Variants in ADGRL4 observed in about 807,000 individuals in gnomAD.
ADGRL4 encodes adhesion G protein-coupled receptor L4, also known as EGF, latrophilin and seven transmembrane domain containing 1.
In ADGRL4, 90 loss-of-function variants were observed where a neutral mutation model predicts 74.8. The ratio of observed to expected loss-of-function variants is 1.20; its 90% CI spans 1.02 to 1.43. The LOEUF is 1.43. ADGRL4 is among the 40% of genes most tolerant of loss of function. The probability of loss-of-function intolerance (pLI) is 0.00; values close to 1 mark genes in which losing one functional copy is unlikely to be tolerated. For missense variants in ADGRL4, 881 were observed against 814.3 expected, an observed-to-expected ratio of 1.08 and a Z score of -1.00; for synonymous variants, 311 against 279.2, an observed-to-expected ratio of 1.11 and a Z score of -1.14.
intron 2 of ADGRL4, among the ~76,000 whole-genome samples, chr1:78,950,344 T>C (rs1649697756): frequency 6.6e-6 from 1 of 152,074 alleles, no homozygotes; most frequent in African/African-American, 2.4e-5. Context: ...GGTAACGGCT[T>C]CAGGGCAAGA....
chr1:78,933,762 C>A (rs934189906), intron 7 of ADGRL4, among the ~76,000 whole-genome samples: 1 of 128,582 alleles, frequency 7.8e-6, no homozygotes, highest in Non-Finnish European at 1.7e-5. Context: ...GTGCAAAAAT[C>A]ACAAGCATTC....
Position 79,006,620 on chromosome 1 carries a change from G to C in ADGRL4, c.22+13C>G. ...TCCGACGACCTCGGCGACCAGGGGC[G>C]CTGAGCACTCACCTAGGAGCGGGAG... On this transcript the variant is annotated intron_variant, in intron 1 of 14. Coordinates refer to ENST00000370742, the MANE Select transcript of ADGRL4 (RefSeq NM_022159.4). The C allele has an allele frequency of 1.3e-6, 2 of 1,534,820 alleles. No homozygotes were observed. Among genetic ancestry groups the C allele is most frequent in the Non-Finnish European group, 1.8e-6 (2 of 1,141,262 alleles).
intron 2 of ADGRL4, among the ~76,000 whole-genome samples, chr1:79,002,947 G>C (rs1319242417): frequency 4.6e-5 from 7 of 152,054 alleles, no homozygotes; most frequent in Non-Finnish European, 1.0e-4. Context: ...TATGTTTAGT[G>C]AGGTTGGGTT....
intron 2 of ADGRL4, among the ~76,000 whole-genome samples, chr1:78,963,472 C>T (rs1649994912): frequency 6.6e-6 from 1 of 152,088 alleles, no homozygotes; most frequent in Admixed American, 6.6e-5. Flanking sequence ...CTTTCTCTGT[C>T]TCTTGAAGTC....
chr1:78,938,079 GT>G lies in ADGRL4; in HGVS notation c.576+20del. On this transcript the variant is annotated intron_variant, in intron 5 of 14. Transcript: ENST00000370742. ...AAAATTCAAAGCTCAATTATATTGA[GT>G]TAAAGCTGAACATACTTACAGTAAG... is the stretch of plus-strand genomic sequence containing the variant. The G allele has an allele frequency of 6.2e-7, 1 of 1,610,584 alleles. No individual in the cohort carries two copies. Among genetic ancestry groups the G allele is most frequent in the Middle Eastern group, 1.7e-4 (1 of 6,042 alleles).
At chr1:78,944,129 T>G (rs1335071600) in intron 3 of ADGRL4, among the ~76,000 whole-genome samples, 4 of 152,194 alleles carry the variant, frequency 2.6e-5, no homozygotes, top group African/African-American at 9.6e-5. Context: ...ATTCTCTACT[T>G]CAAGGAACAT....
intron 2 of ADGRL4, among the ~76,000 whole-genome samples, chr1:78,952,345 T>TTTTC (rs1553137100): frequency 2.7e-5 from 4 of 148,842 alleles, no homozygotes; most frequent in Non-Finnish European, 6.0e-5. Flanking sequence ...TTTTTTTTTT[T>TTTTC]CCTCTTTTTC....
At chr1:78,985,491 G>A (rs1268566951) in intron 2 of ADGRL4, among the ~76,000 whole-genome samples, 1 of 151,764 alleles carries the variant, frequency 6.6e-6, no homozygotes, top group African/African-American at 2.4e-5. Context: ...TTTAAGAATA[G>A]TATGTTAATT....
At chr1:78,977,076 G>T (rs1650300756) in intron 2 of ADGRL4, among the ~76,000 whole-genome samples, 1 of 151,468 alleles carries the variant, frequency 6.6e-6, no homozygotes. Context: ...ACTAAGTTGG[G>T]TTTATCTCAA....
At chr1:78,930,383 C>T (rs1391271231) in intron 7 of ADGRL4, among the ~76,000 whole-genome samples, 2 of 149,206 alleles carry the variant, frequency 1.3e-5, no homozygotes, top group African/African-American at 5.0e-5. Context: ...ACTAAGATAA[C>T]AGATAAATGA....
chr1:78,992,905 C>G lies in ADGRL4; in HGVS notation c.172+12165G>C, dbSNP rs575186396. Among the ~76,000 whole-genome samples, 154 of 151,952 alleles carry G rather than the reference C, an allele frequency of 1.0e-3. 1 individual carries two copies. Among genetic ancestry groups the G allele is most frequent in the Non-Finnish European group, 1.6e-3 (106 of 67,956 alleles). ...ACCAATTGATGTTTGATGGTTGATA[C>G]AACAGAGGATATTAAATTATATCTT... On this transcript the variant is annotated intron_variant, in intron 2 of 14. Transcript: ENST00000370742.
At chr1:78,984,939 A>G (rs1231014012) in intron 2 of ADGRL4, among the ~76,000 whole-genome samples, 1 of 151,760 alleles carries the variant, frequency 6.6e-6, no homozygotes, top group Non-Finnish European at 1.5e-5. Flanking sequence ...AAGACGTGTT[A>G]GTATGGCAAA....
At chr1:78,909,012 A>C (rs572602547) in intron 12 of ADGRL4, among the ~76,000 whole-genome samples, 1 of 151,990 alleles carries the variant, frequency 6.6e-6, no homozygotes, top group South Asian at 2.1e-4. Context: ...TGTTTCAAGA[A>C]GGTCAAAATA....
At chr1:78,987,322 T>G (rs1650518046) in intron 2 of ADGRL4, among the ~76,000 whole-genome samples, 1 of 151,912 alleles carries the variant, frequency 6.6e-6, no homozygotes, top group South Asian at 2.1e-4. Context: ...GACATATAGG[T>G]AAAAATGGTA....
At chr1:78,893,341 C>A in intron 12 of ADGRL4, 152 bp from the exon 13 acceptor site, 1 of 590,334 alleles carries the variant, frequency 1.7e-6, no homozygotes, top group South Asian at 2.2e-5. Context: ...ATTATCAGTA[C>A]AAGTGGTACC....
intron 2 of ADGRL4, among the ~76,000 whole-genome samples, chr1:78,963,228 A>G (rs1032170748): frequency 4.6e-5 from 7 of 152,220 alleles, no homozygotes; most frequent in African/African-American, 1.7e-4. Context: ...AAGGGCTAGC[A>G]CAGGATTCTT....
At chr1:78,919,943 A>G (rs552485996) in intron 10 of ADGRL4, among the ~76,000 whole-genome samples, 1 of 152,086 alleles carries the variant, frequency 6.6e-6, no homozygotes, top group Non-Finnish European at 1.5e-5. Context: ...AGTTTGTTGC[A>G]AAGTTTTAAC....
chr1:78,997,448 C>T (rs1037924411), intron 2 of ADGRL4, among the ~76,000 whole-genome samples: 6 of 152,170 alleles, frequency 3.9e-5, no homozygotes, highest in African/African-American at 7.2e-5. Flanking sequence ...CCTCTTCCTA[C>T]GAAAGGAGAA....
intron 2 of ADGRL4, among the ~76,000 whole-genome samples, chr1:78,964,106 T>C (rs1441503374): frequency 6.6e-6 from 1 of 152,126 alleles, no homozygotes; most frequent in East Asian, 1.9e-4. Context: ...AACAGTGATC[T>C]GACCCAATCT....
Sources: gnomAD v4.1 joint callset for allele counts (sites outside exome capture counted in the v4.1 genomes callset) on GRCh38, gnomAD v4.1.1 for gene constraint, MANE v1.5 for transcripts, NCBI Gene and HGNC (gene_info 2026-07-23, HGNC 2026-07-21) for gene names.